ACAD9: variants seen among roughly 807,000 people sequenced by gnomAD.
The protein encoded by ACAD9 is complex I assembly factor ACAD9, mitochondrial.
ACAD9 carries 53 observed loss-of-function variants against 70.2 expected under a neutral mutation model. The observed-to-expected ratio is 0.75, with a 90% CI of 0.61 to 0.95. ACAD9 has a LOEUF of 0.95. ACAD9 is among the 40% of genes least tolerant of loss of function. The probability of loss-of-function intolerance (pLI) is 0.00; values close to 1 mark genes in which losing one functional copy is unlikely to be tolerated. For missense variants in ACAD9, 777 were observed against 802.8 expected, an observed-to-expected ratio of 0.97 and a Z score of 0.39; for synonymous variants, 313 against 312.1, an observed-to-expected ratio of 1.00 and a Z score of -0.03.
At chr3:128,881,111 A>G (rs1935079296) in intron 1 of ACAD9, among the ~76,000 whole-genome samples, 1 of 152,230 alleles carries the variant, frequency 6.6e-6, no homozygotes, top group Non-Finnish European at 1.5e-5. Context: ...GCAACTTTAC[A>G]GATGAAGAAG....
chr3:128,896,728 C>G (rs1200281187), intron 5 of ACAD9, among the ~76,000 whole-genome samples, 192 bp downstream of exon 5: 2 of 152,204 alleles, frequency 1.3e-5, no homozygotes, highest in East Asian at 1.9e-4. Context: ...GTGAGACTTG[C>G]AAGTGAGATA....
At chr3:128,881,102 C>T (rs774455647) in intron 1 of ACAD9, among the ~76,000 whole-genome samples, 1 of 152,150 alleles carries the variant, frequency 6.6e-6, no homozygotes, top group African/African-American at 2.4e-5. Flanking sequence ...TTATAGCAAG[C>T]AACTTTACAG....
intron 7 of ACAD9, among the ~76,000 whole-genome samples, 155 bp downstream of exon 7, chr3:128,899,616 T>C (rs2107654248): frequency 6.6e-6 from 1 of 152,196 alleles, no homozygotes; most frequent in African/African-American, 2.4e-5. Context: ...AAATGAGATT[T>C]AAACACTTTC....
chr3:128,911,685 G>A (rs1467112905), intron 17 of ACAD9, among the ~76,000 whole-genome samples: 4 of 152,088 alleles, frequency 2.6e-5, no homozygotes, highest in Non-Finnish European at 4.4e-5. Context: ...CAGGTGATCC[G>A]CCCACCTTGG....
rs376517355 is a variant in ACAD9 at position 128,901,066 on chromosome 3, T to C, written c.809-210T>C. On this transcript the variant is annotated intron_variant, in intron 7 of 17. Coordinates refer to ENST00000308982, the MANE Select transcript of ACAD9 (RefSeq NM_014049.5). ...GCCCTATTTATTTCATCCATAGCAC[T>C]GATCACAATATTACATTGTTTTGTT... Among the ~76,000 whole-genome samples the C allele has an allele frequency of 1.3e-4, 20 of 152,322 alleles. 1 individual carries two copies. The highest frequency in any genetic ancestry group is 4.6e-4 in the Admixed American group (7 of 15,304).
rs752416907 is a variant in ACAD9 at position 128,906,207 on chromosome 3, C to T, written c.1236C>T (p.Tyr412=). The T allele has an allele frequency of 1.8e-5, 29 of 1,614,094 alleles. No individual in the cohort carries two copies. Among genetic ancestry groups the T allele is most frequent in the East Asian group, 4.5e-5 (2 of 44,894 alleles). ...GGLGYTRDYP[Y]ERILRDTRIL... ...TGGGCTACACAAGGGACTATCCGTACGAGCGCATACTGCGTGACACCCGCA... is the reference window on the plus strand; with the variant it reads ...TGGGCTACACAAGGGACTATCCGTATGAGCGCATACTGCGTGACACCCGCA... Residue 412 remains tyrosine, a synonymous_variant, in exon 12 of 18, where the codon TAC becomes TAT. Coordinates refer to ENST00000308982, the MANE Select transcript of ACAD9 (RefSeq NM_014049.5).
chr3:128,890,651 A>C (rs891261608), intron 2 of ACAD9, among the ~76,000 whole-genome samples: 9 of 151,668 alleles, frequency 5.9e-5, no homozygotes, highest in African/African-American at 1.9e-4. Context: ...GCAGTGAGCC[A>C]AGATCGCACC....
At chr3:128,906,426 G>T (rs942451600) in intron 12 of ACAD9, among the ~76,000 whole-genome samples, 177 bp downstream of exon 12, 1 of 152,188 alleles carries the variant, frequency 6.6e-6, no homozygotes, top group Non-Finnish European at 1.5e-5. Flanking sequence ...GAAGTCACAA[G>T]CCTGAGGAGT....
rs1227691096 is a variant in ACAD9 at position 128,904,053 on chromosome 3, C to T, written c.959-9C>T. 8 of 1,613,932 alleles carry T rather than the reference C, an allele frequency of 5.0e-6. No homozygotes were observed. Among genetic ancestry groups the T allele is most frequent in the Admixed American group, 3.3e-5 (2 of 60,032 alleles). ...TCCAGTTCATTCTAATAACTCTGCT[C>T]TTCCTCAGAAATGACTGCTGAGTAC... On this transcript the variant is annotated splice_polypyrimidine_tract_variant and intron_variant, in intron 9 of 17. Transcript: ENST00000308982.
chr3:128,896,595 G>C (rs1311343486), intron 5 of ACAD9, 59 bp downstream of exon 5: 22 of 1,540,100 alleles, frequency 1.4e-5, no homozygotes, highest in Middle Eastern at 2.0e-4. Context: ...AAGATTCACT[G>C]GGGCAAGGGG....
rs1201666872 is a variant in ACAD9 at position 128,908,226 on chromosome 3, T to A, written c.1320T>A (p.Gly440=). The change falls in exon 13 of 18, where the codon GGT becomes GGA. Residue 440 remains glycine, a synonymous_variant. Transcript: ENST00000308982. ...TCCGGATGTACATCGCCCTGACGGG[T>A]CTGCAGCATGCCGGCCGCATCCTGA... ...EILRMYIALT[G]LQHAGRILTT... 3 of 1,614,036 alleles carry A rather than the reference T, an allele frequency of 1.9e-6. No homozygotes were observed. In the Admixed American group the frequency reaches 5.0e-5, roughly 27 times the overall value.
intron 5 of ACAD9, among the ~76,000 whole-genome samples, chr3:128,896,937 C>G (rs954310016): frequency 1.3e-5 from 2 of 152,104 alleles, no homozygotes; most frequent in Non-Finnish European, 2.9e-5. Context: ...CGGCAGCACT[C>G]GGGACTCTGA....
At chr3:128,890,074 C>T (rs1434833358) in intron 2 of ACAD9, among the ~76,000 whole-genome samples, 1 of 152,102 alleles carries the variant, frequency 6.6e-6, no homozygotes, top group Non-Finnish European at 1.5e-5. Flanking sequence ...GATCTTCCTA[C>T]CTCAGCCTCT....
At chr3:128,904,655 G>C (rs1220932568) in intron 11 of ACAD9, 150 bp downstream of exon 11, 2 of 1,335,576 alleles carry the variant, frequency 1.5e-6, no homozygotes, top group Non-Finnish European at 2.0e-6. Context: ...TAGCACTCCA[G>C]GGATAGGCAG....
chr3:128,909,094 C>G lies in ACAD9; in HGVS notation c.1480C>G (p.Leu494Val). The change falls in exon 14 of 18, where the codon CTT (leucine) becomes GTT (valine). Residue 494 changes from leucine (L) to valine (V), a missense_variant. By Grantham distance (32) the Leu-to-Val change is conservative (BLOSUM62 1). Transcript: ENST00000308982. ...TGNHGVVHPS[L>V]ADSANKFEEN... ...CAACCATGGAGTTGTGCACCCCAGT[C>G]TTGCGGTGAGTGGGCCTAACAGGCA... is the stretch of plus-strand genomic sequence containing the variant. 6.2e-7 allele frequency: 1 copy of G among 1,614,004 alleles called. No homozygotes were observed. Among genetic ancestry groups the G allele is most frequent in the Non-Finnish European group, 8.5e-7 (1 of 1,180,010 alleles).
At chr3:128,881,426 A>G (rs534129323) in intron 1 of ACAD9, among the ~76,000 whole-genome samples, 3 of 152,330 alleles carry the variant, frequency 2.0e-5, no homozygotes, top group South Asian at 2.1e-4. Context: ...CTCCCGCTGC[A>G]TATGTGCCGG....
intron 2 of ACAD9, among the ~76,000 whole-genome samples, chr3:128,890,991 A>T (rs71331618): frequency 6.6e-6 from 1 of 151,812 alleles, no homozygotes; most frequent in Non-Finnish European, 1.5e-5. Flanking sequence ...ATAGGTGCGC[A>T]TCACTATGCC....
At chr3:128,892,812 T>G (rs2107648163) in intron 2 of ACAD9, among the ~76,000 whole-genome samples, 1 of 152,340 alleles carries the variant, frequency 6.6e-6, no homozygotes, top group South Asian at 2.1e-4. Flanking sequence ...GCTATCTAGC[T>G]GAACATTTTA....
At position 128,912,581 on chromosome 3, in the gene ACAD9, G is replaced by T. The variant is rs768862099; in HGVS notation, c.1840G>T (p.Ala614Ser). 6 of 1,614,158 alleles carry T rather than the reference G, an allele frequency of 3.7e-6. No homozygotes were observed. Among genetic ancestry groups the T allele is most frequent in the Non-Finnish European group, 4.2e-6 (5 of 1,180,024 alleles). The change falls in exon 18 of 18, where the codon GCC becomes TCC. Residue 614 changes from alanine to serine, a missense_variant. Coordinates refer to ENST00000308982, the MANE Select transcript of ACAD9 (RefSeq NM_014049.5). ...QILEKRAYICAHPLDRTC is the reference protein window; with the variant it reads ...QILEKRAYICSHPLDRTC Reference sequence around the variant, plus strand: ...CCTTGAGAAGCGAGCCTATATCTGTGCCCACCCTCTGGACAGGACATGCTG... The same window carrying T: ...CCTTGAGAAGCGAGCCTATATCTGTTCCCACCCTCTGGACAGGACATGCTG...
Sources: gnomAD v4.1 joint callset for allele counts (sites outside exome capture counted in the v4.1 genomes callset) on GRCh38, gnomAD v4.1.1 for gene constraint, MANE v1.5 for transcripts, NCBI Gene and HGNC (gene_info 2026-07-23, HGNC 2026-07-21) for gene names.